The following ANAPC10 variants were observed in gnomAD, a reference collection of about 807,000 sequenced individuals.
The protein encoded by ANAPC10 is anaphase promoting complex subunit 10.
Under a neutral mutation model 22.0 loss-of-function variants are expected in ANAPC10, and 12 were observed. That is an observed-to-expected ratio of 0.55 (90% CI 0.35 to 0.88). The LOEUF (loss-of-function observed/expected upper bound fraction) is 0.88, where lower values mean the gene tolerates loss of function less well. Among genes scored for constraint, ANAPC10 ranks in the 40% least tolerant of loss-of-function variants. The pLI, the probability that ANAPC10 is intolerant of heterozygous loss-of-function variation, is 0.01. For synonymous variants in ANAPC10, 65 were observed against 69.5 expected, an observed-to-expected ratio of 0.94 and a Z score of 0.32; for missense variants, 188 against 220.9, an observed-to-expected ratio of 0.85 and a Z score of 0.94.
At chr4:145,091,142 A>G (rs942110633) in intron 2 of ANAPC10, among the ~76,000 whole-genome samples, 5 of 152,174 alleles carry the variant, frequency 3.3e-5, no homozygotes, top group African/African-American at 1.2e-4. Context: ...TACTCAACAC[A>G]TTTTTAAGTG....
chr4:145,090,017 C>T (rs371292560), intron 2 of ANAPC10, among the ~76,000 whole-genome samples: 8 of 152,146 alleles, frequency 5.3e-5, no homozygotes, highest in African/African-American at 1.2e-4. Context: ...GCTTCACATA[C>T]GCCATTTCCC....
At chr4:145,051,469 T>TA (rs904625322) in intron 4 of ANAPC10, among the ~76,000 whole-genome samples, 13 of 151,842 alleles carry the variant, frequency 8.6e-5, no homozygotes, top group East Asian at 5.8e-4. Flanking sequence ...CACAAGCTGT[T>TA]AAAAAAAATG....
intron 4 of ANAPC10, among the ~76,000 whole-genome samples, chr4:145,035,704 C>T (rs967235671): frequency 3.9e-5 from 6 of 152,194 alleles, no homozygotes; most frequent in East Asian, 1.9e-4. Flanking sequence ...TTTTTGTTCC[C>T]CACCACTTTA....
At chr4:145,078,950 G>C (rs1358386550) in intron 3 of ANAPC10, among the ~76,000 whole-genome samples, 1 of 151,928 alleles carries the variant, frequency 6.6e-6, no homozygotes, top group African/African-American at 2.4e-5. Flanking sequence ...GAAATACCTA[G>C]AAATACCTAG....
intron 4 of ANAPC10, among the ~76,000 whole-genome samples, chr4:145,060,412 C>A (rs1054976022): frequency 2.6e-5 from 4 of 151,800 alleles, no homozygotes; most frequent in Non-Finnish European, 4.4e-5. Flanking sequence ...ATACATGCTT[C>A]ATAACTAAAA....
intron 4 of ANAPC10, among the ~76,000 whole-genome samples, chr4:145,006,586 A>G (rs904432553): frequency 2.6e-5 from 4 of 152,150 alleles, no homozygotes; most frequent in African/African-American, 9.6e-5. Context: ...TCCATCTATT[A>G]GGATGAATCA....
intron 4 of ANAPC10, among the ~76,000 whole-genome samples, chr4:145,019,015 T>C (rs560971715): frequency 6.6e-6 from 1 of 152,072 alleles, no homozygotes; most frequent in South Asian, 2.1e-4. Flanking sequence ...ACTTAAATAC[T>C]CCACTGACAG....
chr4:145,052,703 C>T (rs1735853257), intron 4 of ANAPC10, among the ~76,000 whole-genome samples: 1 of 151,830 alleles, frequency 6.6e-6, no homozygotes, highest in Non-Finnish European at 1.5e-5. Context: ...AGATTGAGAC[C>T]ATCCTGGGTA....
intron 3 of ANAPC10, 31 bp from the exon 4 acceptor site, chr4:145,064,723 C>T (rs1743423557): frequency 6.8e-7 from 1 of 1,468,708 alleles, no homozygotes; most frequent in African/African-American, 1.4e-5. Flanking sequence ...ATAACATGCA[C>T]TTCATCATAT....
chr4:145,032,248 G>C (rs1412585122), intron 4 of ANAPC10, among the ~76,000 whole-genome samples: 1 of 152,224 alleles, frequency 6.6e-6, no homozygotes. Flanking sequence ...AGCGGTGAAA[G>C]GAAATCTTCC....
chr4:145,055,355 C>A (rs557602682), intron 4 of ANAPC10, among the ~76,000 whole-genome samples: 1 of 152,200 alleles, frequency 6.6e-6, no homozygotes, highest in East Asian at 1.9e-4. Context: ...GTCAGGAGTT[C>A]GAGACTAGCC....
intron 2 of ANAPC10, among the ~76,000 whole-genome samples, chr4:145,086,448 A>G (rs894412661): frequency 6.6e-6 from 1 of 152,202 alleles, no homozygotes; most frequent in African/African-American, 2.4e-5. Flanking sequence ...TGGTTCGTAC[A>G]GTGTCGTTCC....
chr4:145,008,943 C>T (rs1266439887), intron 4 of ANAPC10, among the ~76,000 whole-genome samples: 2 of 151,928 alleles, frequency 1.3e-5, no homozygotes, highest in East Asian at 1.9e-4. Context: ...GAAAACCCCA[C>T]TGTCTCAGCC....
chr4:145,012,880 G>T (rs897549483), intron 4 of ANAPC10, among the ~76,000 whole-genome samples: 1 of 152,134 alleles, frequency 6.6e-6, no homozygotes, highest in Admixed American at 6.6e-5. Context: ...ATGGAGGGGG[G>T]CCTGGTGGGA....
intron 4 of ANAPC10, among the ~76,000 whole-genome samples, chr4:145,006,155 T>C (rs977875064): frequency 7.9e-5 from 12 of 152,318 alleles, no homozygotes; most frequent in African/African-American, 2.9e-4. Context: ...TGCATATATA[T>C]TTAGGGCAGT....
intron 4 of ANAPC10, among the ~76,000 whole-genome samples, chr4:145,034,541 ATATGTGTGTG>A (rs1738182999): frequency 7.1e-6 from 1 of 140,472 alleles, no homozygotes; most frequent in African/African-American, 2.8e-5. Context: ...ATATATATAT[ATATGTGTGTG>A]TGTGTGTGTG....
chr4:145,008,013 G>A (rs532833297), intron 4 of ANAPC10, among the ~76,000 whole-genome samples: 5 of 152,144 alleles, frequency 3.3e-5, no homozygotes, highest in South Asian at 2.1e-4. Flanking sequence ...TATCACCACC[G>A]ATCCCACAGA....
chr4:145,022,827 C>CT (rs1214566626), intron 4 of ANAPC10, among the ~76,000 whole-genome samples: 1 of 149,194 alleles, frequency 6.7e-6, no homozygotes, highest in Non-Finnish European at 1.5e-5. Flanking sequence ...AAAACAGCAT[C>CT]TTTTTTTTAT....
chr4:145,000,370 C>A (rs772757346), intron 4 of ANAPC10, among the ~76,000 whole-genome samples: 6 of 151,492 alleles, frequency 4.0e-5, no homozygotes, highest in African/African-American at 9.7e-5. Context: ...GAAAAAAAAA[C>A]CATCAAAAAG....
Sources: gnomAD v4.1 joint callset for allele counts (sites outside exome capture counted in the v4.1 genomes callset) on GRCh38, gnomAD v4.1.1 for gene constraint, MANE v1.5 for transcripts, NCBI Gene and HGNC (gene_info 2026-07-23, HGNC 2026-07-21) for gene names.